The following POLR3B variants were observed in gnomAD, a reference collection of about 807,000 sequenced individuals.
POLR3B encodes RNA polymerase III subunit B.
Under a neutral mutation model 147.4 loss-of-function variants are expected in POLR3B, and 96 were observed. The ratio of observed to expected loss-of-function variants is 0.65; its 90% CI spans 0.55 to 0.77. The LOEUF (loss-of-function observed/expected upper bound fraction) is 0.77. POLR3B is among the 30% of genes least tolerant of loss of function. The pLI, the probability that POLR3B is intolerant of heterozygous loss-of-function variation, is 0.00. For synonymous variants in POLR3B, 461 were observed against 485.9 expected, an observed-to-expected ratio of 0.95 and a Z score of 0.67; for missense variants, 1,036 against 1,413.5, an observed-to-expected ratio of 0.73 and a Z score of 4.28.
intron 12 of POLR3B, among the ~76,000 whole-genome samples, chr12:106,419,333 A>G (rs1288971454): frequency 6.6e-6 from 1 of 152,224 alleles, no homozygotes; most frequent in East Asian, 1.9e-4. Flanking sequence ...GTTTTAGTAG[A>G]AAAGTGGAAG....
At chr12:106,432,555 A>G (rs1446027983) in intron 15 of POLR3B, 75 bp downstream of exon 15, 16 of 1,218,142 alleles carry the variant, frequency 1.3e-5, no homozygotes, top group Non-Finnish European at 2.0e-5. Flanking sequence ...TTATCCTGGT[A>G]TTTAAAGCAC....
intron 25 of POLR3B, among the ~76,000 whole-genome samples, chr12:106,499,115 A>C (rs2038552961): frequency 6.6e-6 from 1 of 152,254 alleles, no homozygotes. Flanking sequence ...ACAGGAAAAG[A>C]CTAATGGACC....
chr12:106,465,025 A>C (rs938736058), intron 23 of POLR3B, among the ~76,000 whole-genome samples: 5 of 152,218 alleles, frequency 3.3e-5, no homozygotes, highest in Non-Finnish European at 7.3e-5. Context: ...GTTCCCTGAG[A>C]TACTAACCCT....
intron 19 of POLR3B, among the ~76,000 whole-genome samples, chr12:106,445,416 A>G (rs938720446): frequency 6.6e-6 from 1 of 152,156 alleles, no homozygotes; most frequent in Non-Finnish European, 1.5e-5. Flanking sequence ...GTCTTGGAAG[A>G]CTGAGTATTT....
chr12:106,384,384 A>G (rs995950137), intron 9 of POLR3B, among the ~76,000 whole-genome samples: 4 of 152,216 alleles, frequency 2.6e-5, no homozygotes, highest in Admixed American at 2.0e-4. Context: ...AGTATTTGCA[A>G]ATTCCTTATT....
At chr12:106,387,489 T>C (rs1027262446) in intron 9 of POLR3B, among the ~76,000 whole-genome samples, 1 of 152,228 alleles carries the variant, frequency 6.6e-6, no homozygotes, top group African/African-American at 2.4e-5. Context: ...TTGGTGCATG[T>C]TGCCAATTAT....
chr12:106,492,470 T>TAA (rs1411386719), intron 23 of POLR3B, among the ~76,000 whole-genome samples: 1 of 152,074 alleles, frequency 6.6e-6, no homozygotes, highest in Non-Finnish European at 1.5e-5. Context: ...AGTGGAAAGA[T>TAA]CACTTGAGTG....
rs375225939 is a variant in POLR3B, at chr12:106,452,968, GTA to G, written c.2084-1533_2084-1532del. Among the ~76,000 whole-genome samples the G allele has an allele frequency of 2.8e-3, 422 of 151,062 alleles. 4 individuals carry two copies. Among genetic ancestry groups the G allele is most frequent in the African/African-American group, 9.7e-3 (399 of 41,164 alleles). ...CCCTACATATGTACTATTTCTTTCA[GTA>G]GTAATTGTCAAGTAATTTTTGCTGC... On this transcript the variant is annotated intron_variant, in intron 19 of 27. Coordinates refer to ENST00000228347, the MANE Select transcript of POLR3B (RefSeq NM_018082.6).
Position 106,363,860 on chromosome 12 carries a change from T to C in POLR3B, c.73-10T>C. 6.2e-7 allele frequency: 1 copy of C among 1,604,188 alleles called. No individual in the cohort carries two copies. Among genetic ancestry groups the C allele is most frequent in the Non-Finnish European group, 8.5e-7 (1 of 1,171,360 alleles). On this transcript the variant is annotated splice_polypyrimidine_tract_variant and intron_variant, in intron 1 of 27. Transcript: ENST00000228347. ...CAGAGTTCTGATATTCTTCTTGTTT[T>C]GGCTCACAGGAAAAATGGAGGCTGC...
chr12:106,429,980 A>C (rs960669724), intron 13 of POLR3B, among the ~76,000 whole-genome samples: 6 of 152,158 alleles, frequency 3.9e-5, no homozygotes, highest in Admixed American at 6.5e-5. Flanking sequence ...CTGGCTCTTC[A>C]TTATAGAATT....
rs1486970206 is a variant in POLR3B, at chr12:106,509,467, C to T, written c.3320C>T (p.Pro1107Leu). ...SSCHVSSLRI[P>L]YACKLLFQEL... The stretch of plus-strand genomic sequence containing the variant: ...TGCCACGTGTCTTCCCTCCGTATTC[C>T]GTATGCCTGCAAGCTGCTCTTCCAG... The change falls in exon 28 of 28, where the codon CCG (proline) becomes CTG (leucine). Residue 1107 changes from proline (P) to leucine (L), a missense_variant. Transcript: ENST00000228347. 14 of 1,613,492 alleles carry T rather than the reference C, an allele frequency of 8.7e-6. No individual in the cohort carries two copies. The highest frequency in any genetic ancestry group is 8.3e-5 in the Admixed American group (5 of 59,986).
At chr12:106,405,485 A>G (rs1250011445) in intron 10 of POLR3B, among the ~76,000 whole-genome samples, 4 of 150,928 alleles carry the variant, frequency 2.7e-5, no homozygotes, top group East Asian at 2.0e-4. Context: ...AAGTACTACT[A>G]TAAAATTTAC....
chr12:106,475,962 C>T (rs372393986), intron 23 of POLR3B, among the ~76,000 whole-genome samples: 193 of 150,316 alleles, frequency 1.3e-3, no homozygotes, highest in African/African-American at 1.8e-3. Context: ...TTCCTAGTCT[C>T]GATGGTCTTT....
Position 106,444,693 on chromosome 12 carries a change from C to T in POLR3B, c.2083+103C>T, listed in dbSNP as rs547567175. The stretch of plus-strand genomic sequence containing the variant: ...TTCACCAGTATTATATGTTCCCAAC[C>T]AGGCACTGGGAACACCTGAGGGTTA... On this transcript the variant is annotated intron_variant, in intron 19 of 27. Coordinates refer to ENST00000228347, the MANE Select transcript of POLR3B (RefSeq NM_018082.6). 24 of 1,262,060 alleles carry T rather than the reference C, an allele frequency of 1.9e-5. No homozygotes were observed. The East Asian group carries it at 2.5e-4, about 13-fold the overall frequency. 78.2% of individuals were successfully genotyped at this position (1,262,060 alleles called of 1,614,324 possible). A position where few individuals can be genotyped will look rare whatever the true frequency, so the allele number is the denominator to read the frequency against.
chr12:106,408,681 T>A (rs2037181327), intron 11 of POLR3B, among the ~76,000 whole-genome samples: 1 of 152,222 alleles, frequency 6.6e-6, no homozygotes, highest in Admixed American at 6.5e-5. Flanking sequence ...CGTTTGTTAG[T>A]CCTTTTTTCT....
intron 23 of POLR3B, among the ~76,000 whole-genome samples, chr12:106,478,105 C>G (rs879548603): frequency 6.6e-6 from 1 of 151,758 alleles, no homozygotes; most frequent in Non-Finnish European, 1.5e-5. Flanking sequence ...TGGAGTTTCA[C>G]CATATTGCCC....
chr12:106,410,866 C>T lies in POLR3B; in HGVS notation c.1007C>T (p.Ala336Val), dbSNP rs2037217066. 2 of 1,613,422 alleles carry T rather than the reference C, an allele frequency of 1.2e-6. No homozygotes were observed. The highest frequency in any genetic ancestry group is 1.3e-5 in the African/African-American group (1 of 74,880). ...FNFRAKCIYT[A>V]VMVRRVILAQ... ...TTCCGAGCCAAATGTATCTATACTG[C>T]AGTGATGGTGCGAAGAGTTATTCTG... The change falls in exon 12 of 28, where the codon GCA becomes GTA. Residue 336 changes from alanine (A) to valine (V), a missense_variant. Ala to Val is a moderately conservative substitution (Grantham distance 64, BLOSUM62 0). Coordinates refer to ENST00000228347, the MANE Select transcript of POLR3B (RefSeq NM_018082.6).
intron 23 of POLR3B, among the ~76,000 whole-genome samples, chr12:106,480,610 G>A (rs191369214): frequency 1.4e-3 from 215 of 152,278 alleles, no homozygotes; most frequent in African/African-American, 4.7e-3. Flanking sequence ...CTCAAGTGAT[G>A]GTTACTCAGG....
chr12:106,393,439 T>C lies in POLR3B; in HGVS notation c.846+286T>C, dbSNP rs568164397. On this transcript the variant is annotated intron_variant, in intron 10 of 27. Coordinates refer to ENST00000228347, the MANE Select transcript of POLR3B (RefSeq NM_018082.6). ...GAAGTACTGTTTTTTTTTCCTTATT[T>C]GCCTGAGTGATAATATACTTTTTAA... 2.0e-5 allele frequency among the ~76,000 whole-genome samples: 3 copies of C among 152,118 alleles called. No homozygotes were observed. The East Asian group carries it at 5.8e-4, about 29-fold the overall frequency.
Sources: allele counts gnomAD v4.1 joint callset (sites outside exome capture counted in the v4.1 genomes callset), GRCh38; gene constraint gnomAD v4.1.1; transcripts MANE v1.5; gene names NCBI Gene and HGNC (gene_info 2026-07-23, HGNC 2026-07-21).